The following ASS1 variants were observed in gnomAD, a reference collection of about 807,000 sequenced individuals.
ASS1 encodes the protein argininosuccinate synthase.
A neutral mutation model predicts 60.5 loss-of-function variants in ASS1; 58 were observed. The observed-to-expected ratio is 0.96, with a 90% confidence interval of 0.78 to 1.19. ASS1 has a LOEUF of 1.19. Ranked by LOEUF, ASS1 falls within the 50% of genes most tolerant of loss-of-function variation. The probability of loss-of-function intolerance (pLI) is 0.00; values close to 1 mark genes in which losing one functional copy is unlikely to be tolerated. For synonymous variants in ASS1, 200 were observed against 206.9 expected (o/e 0.97, Z 0.29); for missense variants, 454 against 547.3 (o/e 0.83, Z 1.70).
rs115788113 is a variant in ASS1, at chr9:130,452,579, C to T, written c.105+246C>T. Among the ~76,000 whole-genome samples, 1,053 of 152,268 alleles carry T rather than the reference C, an allele frequency of 6.9e-3. 18 individuals are homozygous for T. Among genetic ancestry groups the T allele is most frequent in the African/African-American group, 0.024 (985 of 41,530 alleles). ...CTTCCAGAGCCAGGTGATGGAGGCG[C>T]GGGGAGGGCACAGAAGTGAACTTGG... On this transcript the variant is annotated intron_variant, in intron 2 of 14. Coordinates refer to ENST00000352480, the MANE Select transcript of ASS1 (RefSeq NM_054012.4).
chr9:130,466,326 G>A (rs1000417842), intron 5 of ASS1: 2 of 277,838 alleles, frequency 7.2e-6, no homozygotes, highest in South Asian at 4.2e-5. Flanking sequence ...GACCACACGT[G>A]GGGCCAGGCC....
At chr9:130,468,613 T>G (rs906791244) in intron 6 of ASS1, among the ~76,000 whole-genome samples, 2 of 152,098 alleles carry the variant, frequency 1.3e-5, no homozygotes, top group African/African-American at 4.8e-5. Context: ...ATTTATTTTT[T>G]TACAGACAGG....
In ASS1 at chr9:130,500,979, G is replaced by A. The variant is rs1342431625; in HGVS notation, c.1197G>A (p.Leu399=). The A allele has an allele frequency of 3.1e-6, 5 of 1,613,660 alleles. No homozygotes were observed. Among genetic ancestry groups the A allele is most frequent in the Admixed American group, 1.7e-5 (1 of 59,982 alleles). Residue 399 remains leucine, a synonymous_variant, in exon 15 of 15, where the codon CTG becomes CTA. Coordinates refer to ENST00000352480, the MANE Select transcript of ASS1 (RefSeq NM_054012.4). ...TTGTTTTGAATCTGGTTTACAGGCT[G>A]AAGGAATATCATCGTCTCCAGAGCA... is the stretch of plus-strand genomic sequence containing the variant. ...TGFININSLR[L]KEYHRLQSKV...
At chr9:130,466,292 CA>C (rs1205788401) in intron 5 of ASS1, among the ~76,000 whole-genome samples, 1 of 152,184 alleles carries the variant, frequency 6.6e-6, no homozygotes, top group Non-Finnish European at 1.5e-5. Context: ...GGGTGGGGGG[CA>C]GCCTATGCCT....
intron 1 of ASS1, chr9:130,445,294 A>C (rs1845170368): frequency 2.1e-6 from 2 of 934,202 alleles, no homozygotes; most frequent in Non-Finnish European, 2.6e-6. Flanking sequence ...TTCCCTGCGC[A>C]GCCGGGTCCT....
intron 13 of ASS1, among the ~76,000 whole-genome samples, chr9:130,498,174 G>T (rs1846650987): frequency 6.6e-6 from 1 of 152,200 alleles, no homozygotes; most frequent in African/African-American, 2.4e-5. Context: ...CTTGTAAAAA[G>T]TCCACTGTCT....
chr9:130,484,339 G>A (rs991290701), intron 11 of ASS1, among the ~76,000 whole-genome samples: 1 of 152,040 alleles, frequency 6.6e-6, no homozygotes, highest in African/African-American at 2.4e-5. Flanking sequence ...AGGGACAGAT[G>A]AGAAGAATTT....
intron 1 of ASS1, among the ~76,000 whole-genome samples, chr9:130,449,320 G>C (rs1313497721): frequency 6.9e-6 from 1 of 144,762 alleles, no homozygotes; most frequent in Non-Finnish European, 1.5e-5. Context: ...TCCAGCCTAG[G>C]TGACAGAATG....
rs781678927 is a variant in ASS1 at position 130,458,403 on chromosome 9, G to A, written c.177G>A (p.Val59=). 1.2e-6 allele frequency: 2 copies of A among 1,612,016 alleles called. No individual in the cohort carries two copies. The highest frequency in any genetic ancestry group is 1.7e-6 in the Non-Finnish European group (2 of 1,179,862). Residue 59 remains valine, a splice_region_variant and synonymous_variant, in exon 4 of 15, where the codon GTG becomes GTA. Coordinates refer to ENST00000352480, the MANE Select transcript of ASS1 (RefSeq NM_054012.4). ...CTTCTGGGCTCCTCTTCCCGTAGGT[G>A]TTCATTGAGGATGTCAGCAGGGAGT... ...KKALKLGAKK[V]FIEDVSREFV... is the part of the protein sequence containing the mutation.
intron 3 of ASS1, among the ~76,000 whole-genome samples, chr9:130,456,687 C>T (rs1264810242): frequency 2.6e-5 from 4 of 152,234 alleles, no homozygotes; most frequent in East Asian, 3.9e-4. Flanking sequence ...CGGTGGCTCA[C>T]GCTTGTAATC....
At chr9:130,490,962 A>G (rs1461229619) in intron 12 of ASS1, among the ~76,000 whole-genome samples, 2 of 152,220 alleles carry the variant, frequency 1.3e-5, no homozygotes, top group South Asian at 2.1e-4. Flanking sequence ...CCTGGACGTC[A>G]GGGGACCTGT....
At position 130,495,133 on chromosome 9, in the gene ASS1, C is replaced by T. The variant is rs1250159299; in HGVS notation, c.1127+110C>T. The T allele has an allele frequency of 2.8e-6, 4 of 1,411,208 alleles. No individual in the cohort carries two copies. The East Asian group carries it at 9.9e-5, about 35-fold the overall frequency. 87.4% of individuals were successfully genotyped at this position (1,411,208 alleles called of 1,614,324 possible). A position where few individuals can be genotyped will look rare whatever the true frequency, so the allele number is the denominator to read the frequency against. On this transcript the variant is annotated intron_variant, in intron 13 of 14. Transcript: ENST00000352480. ...CACATGTCAGGCACCATGCAGAGCA[C>T]AGAGTGATGGTCACAGAGGATATAG...
rs1429908683 is a variant in ASS1 at position 130,476,456 on chromosome 9, C to T, written c.598-415C>T. On this transcript the variant is annotated intron_variant, in intron 8 of 14. Coordinates refer to ENST00000352480, the MANE Select transcript of ASS1 (RefSeq NM_054012.4). This position sits in a 1 kb window ranked among gnomAD's most constrained non-coding sequence, Gnocchi z 4.9. Reference sequence around the variant, plus strand: ...CCAGAGCACCTGCTGGGGTCACAGGCAGTCATTAGCTTTGCGGTCAGTGCA... The same window carrying T: ...CCAGAGCACCTGCTGGGGTCACAGGTAGTCATTAGCTTTGCGGTCAGTGCA... The T allele has an allele frequency of 8.1e-6, 2 of 245,610 alleles. No individual in the cohort carries two copies. The highest frequency in any genetic ancestry group is 2.2e-5 in the African/African-American group (1 of 45,040). The allele number at this position is 245,610 out of a possible 1,614,324, so 15.2% of individuals were successfully genotyped here.
At chr9:130,499,793 G>T (rs185535617) in intron 14 of ASS1, among the ~76,000 whole-genome samples, 7 of 152,270 alleles carry the variant, frequency 4.6e-5, no homozygotes, top group Non-Finnish European at 1.0e-4. Context: ...TAGGCATTGG[G>T]GTCCTAGGTT....
At chr9:130,462,436 G>A (rs534374539) in intron 4 of ASS1, among the ~76,000 whole-genome samples, 1 of 152,330 alleles carries the variant, frequency 6.6e-6, no homozygotes, top group South Asian at 2.1e-4. Flanking sequence ...GGAAGGATTA[G>A]ACTGGCCTCC....
Position 130,470,701 on chromosome 9 carries a change from C to A in ASS1, c.496-133C>A. 2 of 894,784 alleles carry A rather than the reference C, an allele frequency of 2.2e-6. No homozygotes were observed. The highest frequency in any genetic ancestry group is 3.7e-6 in the Non-Finnish European group (2 of 534,842). 55.4% of individuals were successfully genotyped at this position (894,784 alleles called of 1,614,324 possible). A position where few individuals can be genotyped will look rare whatever the true frequency, so the allele number is the denominator to read the frequency against. On this transcript the variant is annotated intron_variant, in intron 6 of 14. Coordinates refer to ENST00000352480, the MANE Select transcript of ASS1 (RefSeq NM_054012.4). The surrounding 1 kb of genome is among the most constrained non-coding windows in gnomAD (Gnocchi z 4.3). ...CCCAGGGAGGTGACCGTGACCAACA[C>A]TAGGAGGTAGCCAGGGTCTTGTCTG...
At chr9:130,451,758 G>A in intron 1 of ASS1, 1 of 438,266 alleles carries the variant, frequency 2.3e-6, no homozygotes, top group Admixed American at 2.4e-5. Context: ...GGGGCACAGG[G>A]AGATCCCGCT....
intron 1 of ASS1, among the ~76,000 whole-genome samples, chr9:130,449,013 A>G (rs11243372): frequency 0.43 from 65,845 of 152,032 alleles, 14,494 homozygotes; most frequent in East Asian, 0.54. Flanking sequence ...CATGGAGCTC[A>G]TAGTGGGGGA....
At chr9:130,446,938 G>T (rs1388411347) in intron 1 of ASS1, among the ~76,000 whole-genome samples, 1 of 152,228 alleles carries the variant, frequency 6.6e-6, no homozygotes, top group Non-Finnish European at 1.5e-5. Flanking sequence ...TCCCTCCCCA[G>T]ACTTGGGGTC....
Sources: allele counts gnomAD v4.1 joint callset (sites outside exome capture counted in the v4.1 genomes callset), GRCh38; gene constraint gnomAD v4.1.1; non-coding constraint Gnocchi (gnomAD v3.1); transcripts MANE v1.5; gene names NCBI Gene and HGNC (gene_info 2026-07-23, HGNC 2026-07-21).